Variants in GSE1 observed in about 807,000 individuals in gnomAD.
GSE1 encodes the protein genetic suppressor element 1.
Under a neutral mutation model 112.6 loss-of-function variants are expected in GSE1, and 32 were observed. The ratio of observed to expected loss-of-function variants is 0.28; its 90% CI spans 0.21 to 0.38. The LOEUF is 0.38. Among genes scored for constraint, GSE1 ranks in the 10% least tolerant of loss-of-function variants. The pLI is 1.00. For synonymous variants in GSE1, 1,115 were observed against 735.6 expected, an observed-to-expected ratio of 1.52 and a Z score of -8.35; for missense variants, 2,348 against 1,699.2, an observed-to-expected ratio of 1.38 and a Z score of -6.71.
chr16:85,270,221 A>T (rs1908695281), intron 1 of GSE1, among the ~76,000 whole-genome samples: 1 of 148,776 alleles, frequency 6.7e-6, no homozygotes, highest in African/African-American at 2.4e-5. Flanking sequence ...CCCACCTGCC[A>T]CAGCACAACT....
intron 2 of GSE1, among the ~76,000 whole-genome samples, chr16:85,426,199 C>CTGGATGGATGGATGGATGGCTGGA (rs2048983014): frequency 7.2e-6 from 1 of 138,104 alleles, no homozygotes; most frequent in African/African-American, 2.8e-5. Context: ...AGATGGATGG[C>CTGGATGGATGGATGGATGGCTGGA]TGGATGGATG....
chr16:85,466,307 G>T lies in GSE1; in HGVS notation c.2464+108664G>T, dbSNP rs985152188. On this transcript the variant is annotated intron_variant, in intron 2 of 2. Transcript: ENST00000637419. ...GCTATGGAGCAGTTGCCACGCAGGC[G>T]TGGTGATGTGATTACTCCCCAAGGA... 2.0e-5 allele frequency among the ~76,000 whole-genome samples: 3 copies of T among 152,222 alleles called. 1 individual carries two copies. In the South Asian group the frequency reaches 6.2e-4, roughly 31 times the overall value.
chr16:85,424,150 T>C (rs1169578024), intron 2 of GSE1, among the ~76,000 whole-genome samples: 2 of 152,222 alleles, frequency 1.3e-5, no homozygotes, highest in Admixed American at 1.3e-4. Flanking sequence ...GCTCTTGTCC[T>C]CCTAATAATG....
At chr16:85,478,804 A>G (rs951496498) in intron 2 of GSE1, among the ~76,000 whole-genome samples, 1 of 150,580 alleles carries the variant, frequency 6.6e-6, no homozygotes, top group Non-Finnish European at 1.5e-5. Context: ...AGTAGTTGGA[A>G]TTACAACCAT....
At chr16:85,193,976 C>T (rs73260350) in intron 1 of GSE1, among the ~76,000 whole-genome samples, 2,971 of 152,092 alleles carry the variant, frequency 0.02, 108 homozygotes, top group African/African-American at 0.068. Flanking sequence ...TGTGCGCGCG[C>T]GTGTTTGTGT....
intron 2 of GSE1, among the ~76,000 whole-genome samples, chr16:85,443,628 C>T (rs571341239): frequency 1.3e-4 from 20 of 152,372 alleles, no homozygotes; most frequent in African/African-American, 3.8e-4. Flanking sequence ...GTTCCCGTGG[C>T]GTGTGCCGAG....
intron 2 of GSE1, among the ~76,000 whole-genome samples, chr16:85,449,216 T>C (rs1238818830): frequency 1.3e-5 from 2 of 152,214 alleles, no homozygotes; most frequent in Non-Finnish European, 2.9e-5. Context: ...TTTCACCTAG[T>C]GGCAGTGTAT....
intron 2 of GSE1, among the ~76,000 whole-genome samples, chr16:85,634,494 C>T (rs35954296): frequency 0.35 from 53,892 of 152,068 alleles, 9,928 homozygotes; most frequent in African/African-American, 0.42. Flanking sequence ...AGCTGGGCCC[C>T]AGTGCTCCCC....
chr16:85,217,408 C>A (rs905064090), intron 1 of GSE1, among the ~76,000 whole-genome samples: 1 of 152,130 alleles, frequency 6.6e-6, no homozygotes, highest in Admixed American at 6.5e-5. Flanking sequence ...CGAAGGCTGG[C>A]GATCCCTCCA....
At chr16:85,238,287 C>T (rs1386032502) in intron 1 of GSE1, among the ~76,000 whole-genome samples, 2 of 152,220 alleles carry the variant, frequency 1.3e-5, no homozygotes, top group Non-Finnish European at 2.9e-5. Context: ...GCATCTGCTG[C>T]CTACCTCCTT....
chr16:85,310,340 TG>T (rs2045803279), intron 1 of GSE1, among the ~76,000 whole-genome samples: 1 of 152,224 alleles, frequency 6.6e-6, no homozygotes, highest in Admixed American at 6.5e-5. Context: ...CGCCTTAATA[TG>T]TGTGAACCAG....
intron 2 of GSE1, among the ~76,000 whole-genome samples, chr16:85,414,085 T>C (rs1404823650): frequency 1.3e-5 from 2 of 151,966 alleles, no homozygotes; most frequent in African/African-American, 2.4e-5. Flanking sequence ...TCTCAGGCAG[T>C]TCTTTATAGC....
At chr16:85,416,522 A>T (rs916939769) in intron 2 of GSE1, among the ~76,000 whole-genome samples, 4 of 152,062 alleles carry the variant, frequency 2.6e-5, no homozygotes, top group African/African-American at 4.8e-5. Context: ...GCCACGTGGG[A>T]TGCGGTGTGC....
intron 1 of GSE1, among the ~76,000 whole-genome samples, chr16:85,305,179 C>T (rs1381385617): frequency 6.6e-6 from 1 of 152,232 alleles, no homozygotes; most frequent in Non-Finnish European, 1.5e-5. Flanking sequence ...GCAGGGTCTA[C>T]ACGTGAGAAT....
At chr16:85,613,604 G>A (rs903360047) in intron 1 of GSE1, among the ~76,000 whole-genome samples, 11 of 151,834 alleles carry the variant, frequency 7.2e-5, no homozygotes, top group African/African-American at 2.4e-4. Flanking sequence ...CAGCCTGGGA[G>A]GCCTGGCTGC....
chr16:85,543,018 G>A (rs1326733812), intron 2 of GSE1, among the ~76,000 whole-genome samples: 2 of 152,118 alleles, frequency 1.3e-5, no homozygotes, highest in African/African-American at 4.8e-5. Context: ...ATGAGTTCAG[G>A]AGTTCAAGAC....
intron 1 of GSE1, among the ~76,000 whole-genome samples, chr16:85,245,156 T>C (rs1183704234): frequency 6.7e-6 from 1 of 150,296 alleles, no homozygotes; most frequent in African/African-American, 2.4e-5. Flanking sequence ...AGTGAGACCC[T>C]GTCTCAAGAA....
At chr16:85,448,068 C>T (rs1463446323) in intron 2 of GSE1, among the ~76,000 whole-genome samples, 1 of 152,236 alleles carries the variant, frequency 6.6e-6, no homozygotes, top group African/African-American at 2.4e-5. Flanking sequence ...GGCTCATCAG[C>T]CCTCTGCCTC....
chr16:85,329,492 C>T (rs1384208222), intron 1 of GSE1, among the ~76,000 whole-genome samples: 1 of 151,940 alleles, frequency 6.6e-6, no homozygotes, highest in Admixed American at 6.5e-5. Context: ...GCAGAGCCAC[C>T]TGCAGGTGGA....
Sources: gnomAD v4.1 joint callset for allele counts (sites outside exome capture counted in the v4.1 genomes callset) on GRCh38, gnomAD v4.1.1 for gene constraint, MANE v1.5 for transcripts, NCBI Gene and HGNC (gene_info 2026-07-23, HGNC 2026-07-21) for gene names.